The following COG3 variants were observed in gnomAD, a reference collection of about 807,000 sequenced individuals.
COG3 encodes the protein component of oligomeric golgi complex 3, also known as conserved oligomeric Golgi complex subunit 3.
COG3 carries 32 observed loss-of-function variants against 114.1 expected under a neutral mutation model. The observed-to-expected ratio is 0.28, with a 90% CI of 0.21 to 0.38. The LOEUF is 0.38. Among genes scored for constraint, COG3 ranks in the 10% least tolerant of loss-of-function variants. The pLI is 1.00. For synonymous variants in COG3, 352 were observed against 365.7 expected (o/e 0.96, Z 0.43); for missense variants, 813 against 973.2 (o/e 0.84, Z 2.19).
At chr13:45,497,818 C>CAACAACAACAAA (rs1161158430) in intron 13 of COG3, among the ~76,000 whole-genome samples, 2 of 140,834 alleles carry the variant, frequency 1.4e-5, no homozygotes, top group Admixed American at 6.8e-5. Flanking sequence ...ACAACAACAA[C>CAACAACAACAAA]AAAGTATGAC....
chr13:45,504,204 A>G (rs1246767212), intron 14 of COG3, among the ~76,000 whole-genome samples: 1 of 152,190 alleles, frequency 6.6e-6, no homozygotes, highest in Non-Finnish European at 1.5e-5. Context: ...GGGCATCATC[A>G]GGTATTCTGA....
intron 5 of COG3, among the ~76,000 whole-genome samples, chr13:45,481,729 G>T (rs1886259142): frequency 1.3e-5 from 2 of 152,112 alleles, no homozygotes; most frequent in South Asian, 4.1e-4. Context: ...AAGTATAATA[G>T]TTCCAATAAA....
At chr13:45,525,634 G>GTTTT (rs59577529) in intron 20 of COG3, among the ~76,000 whole-genome samples, 11 of 56,634 alleles carry the variant, frequency 1.9e-4, no homozygotes, top group African/African-American at 4.6e-4. Flanking sequence ...AGGGCTTTGG[G>GTTTT]TTTTTTTTTT....
rs1317947844 is a variant in COG3 at position 45,481,323 on chromosome 13, T to G, written c.624+19T>G. 4 of 1,331,316 alleles carry G rather than the reference T, an allele frequency of 3.0e-6. No homozygotes were observed. In the East Asian group the frequency reaches 7.0e-5, roughly 23 times the overall value. 82.5% of individuals were successfully genotyped at this position (1,331,316 alleles called of 1,614,324 possible). On this transcript the variant is annotated intron_variant, in intron 5 of 22. Coordinates refer to ENST00000349995, the MANE Select transcript of COG3 (RefSeq NM_031431.4). Reference sequence around the variant, plus strand: ...TAACACAGTAAGCATTGTTCTTTACTTCTTATAAAGTTAGTGATTTTTGTT... The same window carrying G: ...TAACACAGTAAGCATTGTTCTTTACGTCTTATAAAGTTAGTGATTTTTGTT...
At chr13:45,527,235 T>G (rs1160631823) in intron 20 of COG3, among the ~76,000 whole-genome samples, 3 of 152,182 alleles carry the variant, frequency 2.0e-5, no homozygotes, top group African/African-American at 7.2e-5. Context: ...AATTTAGAAT[T>G]GTCATAGTAA....
chr13:45,535,271 G>C lies in COG3; in HGVS notation c.*540G>C. ...TTGGTTGCTTCTGAGAACACATTCT[G>C]CCTTCCTGGGAAGTCGGGGTGTCAT... On this transcript the variant is annotated 3_prime_UTR_variant, in exon 23 of 23. Coordinates refer to ENST00000349995, the MANE Select transcript of COG3 (RefSeq NM_031431.4). 1.0e-6 allele frequency: 1 copy of C among 985,438 alleles called. No individual in the cohort carries two copies. The highest frequency in any genetic ancestry group is 1.2e-6 in the Non-Finnish European group (1 of 829,958). The allele number at this position is 985,438 out of a possible 1,614,324, so 61.0% of individuals were successfully genotyped here. A position where few individuals can be genotyped will look rare whatever the true frequency, so the allele number is the denominator to read the frequency against.
At chr13:45,471,014 A>G (rs1885442015) in intron 1 of COG3, among the ~76,000 whole-genome samples, 2 of 152,208 alleles carry the variant, frequency 1.3e-5, no homozygotes, top group Admixed American at 1.3e-4. Flanking sequence ...TTGGGACACA[A>G]CCCCATCATA....
rs772810253 is a variant in COG3 at position 45,518,833 on chromosome 13, A to G, written c.2002A>G (p.Ile668Val). The G allele has an allele frequency of 6.2e-7, 1 of 1,613,988 alleles. No individual in the cohort carries two copies. The change falls in exon 18 of 23, where the codon ATA (isoleucine) becomes GTA (valine). Residue 668 changes from isoleucine to valine, a missense_variant. Around this residue, in one of 2 missense-constraint regions of COG3, gnomAD observed 389 missense variants for 542.6 expected, o/e 0.72. Coordinates refer to ENST00000349995, the MANE Select transcript of COG3 (RefSeq NM_031431.4). The stretch of plus-strand genomic sequence containing the variant: ...TAGGCTGAATAGCAACAATGCCTTG[A>G]TAGAGTTCTTGTTGGAGGTGAGAAG... ...FFRLNSNNAL[I>V]EFLLEGTPEI...
intron 2 of COG3, among the ~76,000 whole-genome samples, chr13:45,476,807 T>C (rs185942343): frequency 9.3e-4 from 141 of 152,372 alleles, no homozygotes; most frequent in African/African-American, 3.2e-3. Flanking sequence ...CATTCCTAAT[T>C]AGAAACCTAA....
In COG3 at chr13:45,526,076, A is replaced by ATTTTTTTTTTTT. The variant is rs386379016; in HGVS notation, c.2230+1044_2230+1055dup. Reference sequence around the variant, plus strand: ...GCTATTCAAAGCCTCCAAAATTTTAATTTTTTTTTTTTTTTTTTTTTTTTT... The same window carrying ATTTTTTTTTTTT: ...GCTATTCAAAGCCTCCAAAATTTTAATTTTTTTTTTTTTTTTTTTTTTTTTTTTTTTTTTTTT... On this transcript the variant is annotated intron_variant, in intron 20 of 22. Coordinates refer to ENST00000349995, the MANE Select transcript of COG3 (RefSeq NM_031431.4). 8.3e-3 allele frequency among the ~76,000 whole-genome samples: 471 copies of ATTTTTTTTTTTT among 56,592 alleles called. 62 individuals carry two copies. Among genetic ancestry groups the ATTTTTTTTTTTT allele is most frequent in the Non-Finnish European group, 0.01 (337 of 33,008 alleles). The allele number at this position is 56,592 out of a possible 152,430, so 37.1% of individuals were successfully genotyped here. A position where few individuals can be genotyped will look rare whatever the true frequency, so the allele number is the denominator to read the frequency against.
chr13:45,535,743 A>G lies in COG3; in HGVS notation c.*1012A>G, dbSNP rs913499008. 3.8e-5 allele frequency: 38 copies of G among 987,106 alleles called. No homozygotes were observed. The highest frequency in any genetic ancestry group is 4.3e-5 in the Non-Finnish European group (36 of 830,120). 61.1% of individuals were successfully genotyped at this position (987,106 alleles called of 1,614,324 possible). On this transcript the variant is annotated 3_prime_UTR_variant, in exon 23 of 23. Transcript: ENST00000349995. ...TTACCAGCAAACCTAAGGATGACAA[A>G]CACTATCCACATCTGAAAACTACCA...
chr13:45,483,210 TC>T lies in COG3; in HGVS notation c.718-19del. 2 of 1,564,480 alleles carry T rather than the reference TC, an allele frequency of 1.3e-6. No homozygotes were observed. The highest frequency in any genetic ancestry group is 1.7e-6 in the Non-Finnish European group (2 of 1,145,292). On this transcript the variant is annotated intron_variant, in intron 6 of 22. Transcript: ENST00000349995. The stretch of plus-strand genomic sequence containing the variant: ...TCTGTGTTCATTTCCACTTTGTAAA[TC>T]TTTCTCTTTTCCTTACAGCCTAATT...
chr13:45,480,421 C>T, intron 4 of COG3, 131 bp downstream of exon 4: 1 of 619,018 alleles, frequency 1.6e-6, no homozygotes, highest in African/African-American at 1.8e-5. Context: ...CTGTGCTCAG[C>T]ATGCAGATTG....
At position 45,465,069 on chromosome 13, in the gene COG3, G is replaced by A. The variant is rs1350558487; in HGVS notation, c.33G>A (p.Glu11=). The A allele has an allele frequency of 3.8e-6, 6 of 1,597,142 alleles. No individual in the cohort carries two copies. The highest frequency in any genetic ancestry group is 3.4e-5 in the South Asian group (3 of 89,550). Residue 11 remains glutamate (E), a synonymous_variant, in exon 1 of 23, where the codon GAG becomes GAA. Transcript: ENST00000349995. MAEAALLLLP[E]AAAERDAREK... ...AGGCGGCGCTGTTGCTGCTGCCTGA[G>A]GCGGCGGCGGAGCGGGACGCTAGGG...
chr13:45,464,972 G>T lies in COG3; in HGVS notation c.-65G>T, dbSNP rs1885035132. The T allele has an allele frequency of 1.3e-6, 2 of 1,513,230 alleles. No individual in the cohort carries two copies. The highest frequency in any genetic ancestry group is 2.1e-5 in the Admixed American group (1 of 48,022). The allele number at this position is 1,513,230 out of a possible 1,614,324, so 93.7% of individuals were successfully genotyped here. A position where few individuals can be genotyped will look rare whatever the true frequency, so the allele number is the denominator to read the frequency against. The stretch of plus-strand genomic sequence containing the variant: ...GGAAGCTCCGGTTCTCCCGGAAGTG[G>T]CCCAGGTCTCTCTGTCGGGGTCCCC... On this transcript the variant is annotated 5_prime_UTR_variant, in exon 1 of 23. Coordinates refer to ENST00000349995, the MANE Select transcript of COG3 (RefSeq NM_031431.4).
At chr13:45,466,856 A>G (rs1391690821) in intron 1 of COG3, among the ~76,000 whole-genome samples, 2 of 152,234 alleles carry the variant, frequency 1.3e-5, no homozygotes, top group African/African-American at 4.8e-5. Flanking sequence ...ATTTATCATT[A>G]GCCACATGCA....
At position 45,509,788 on chromosome 13, in the gene COG3, GTC is replaced by G; in HGVS notation, c.1696_1697del (p.Ser566GlnfsTer8). ...CCTACGGTTCGAAGAACTCTTGTCT[GTC>G]TCTCCAAATTATACAGATGCATAGA... On this transcript the variant is annotated frameshift_variant, in exon 15 of 23. Coordinates refer to ENST00000349995, the MANE Select transcript of COG3 (RefSeq NM_031431.4). LOFTEE classifies it high-confidence loss of function. 6.2e-7 allele frequency: 1 copy of G among 1,613,688 alleles called. No homozygotes were observed.
At position 45,535,018 on chromosome 13, in the gene COG3, G is replaced by C; in HGVS notation, c.*287G>C. 8.5e-7 allele frequency: 1 copy of C among 1,180,304 alleles called. No individual in the cohort carries two copies. Among genetic ancestry groups the C allele is most frequent in the Non-Finnish European group, 1.0e-6 (1 of 956,610 alleles). 73.1% of individuals were successfully genotyped at this position (1,180,304 alleles called of 1,614,324 possible). ...GAGAGAGCTAGGGCAGACATGCAGT[G>C]AAATGGTTCTTTGTTAAAAATGTGC... On this transcript the variant is annotated 3_prime_UTR_variant, in exon 23 of 23. Coordinates refer to ENST00000349995, the MANE Select transcript of COG3 (RefSeq NM_031431.4).
At chr13:45,498,398 C>T (rs1481046941) in intron 13 of COG3, among the ~76,000 whole-genome samples, 4 of 98,746 alleles carry the variant, frequency 4.1e-5, no homozygotes, top group East Asian at 3.1e-4. Flanking sequence ...TCACTCTTTT[C>T]ACCCAGGCTG....
Sources: allele counts gnomAD v4.1 joint callset (sites outside exome capture counted in the v4.1 genomes callset), GRCh38; gene constraint gnomAD v4.1.1; regional missense constraint gnomAD v4.1.1; transcripts MANE v1.5; gene names NCBI Gene and HGNC (gene_info 2026-07-23, HGNC 2026-07-21).